The following UBE4A variants were observed in gnomAD, a reference collection of about 807,000 sequenced individuals.
UBE4A encodes the protein ubiquitin conjugation factor E4 A.
Under a neutral mutation model 117.9 loss-of-function variants are expected in UBE4A, and 48 were observed. That is an observed-to-expected ratio of 0.41 (90% CI 0.32 to 0.52). UBE4A has a LOEUF of 0.52. UBE4A is among the 20% of genes least tolerant of loss of function. The pLI is 0.33. For missense variants in UBE4A, 1,067 were observed against 1,296.3 expected (o/e 0.82, Z 2.72); for synonymous variants, 407 against 450.0 (o/e 0.90, Z 1.21).
At chr11:118,378,708 C>T (rs2134097537) in intron 10 of UBE4A, 1 of 152,318 alleles carries the variant, frequency 6.6e-6, no homozygotes, top group East Asian at 1.9e-4. Context: ...AAAAGTTCAG[C>T]ATGTGCTTAA....
chr11:118,379,762 C>G lies in UBE4A; in HGVS notation c.1876+12C>G. On this transcript the variant is annotated intron_variant, in intron 11 of 19. Transcript: ENST00000252108. ...GGCTTATGTGCCAGGTAAGCAGGCT[C>G]TCCCTTGGGAATGTCCTGTTTATAG... The G allele has an allele frequency of 6.2e-7, 1 of 1,603,856 alleles. No individual in the cohort carries two copies. Among genetic ancestry groups the G allele is most frequent in the Middle Eastern group, 1.7e-4 (1 of 5,874 alleles).
rs1404998686 is a variant in UBE4A at position 118,384,965 on chromosome 11, A to AG, written c.2412+20_2412+21insG. On this transcript the variant is annotated intron_variant, in intron 15 of 19. Coordinates refer to ENST00000252108, the MANE Select transcript of UBE4A (RefSeq NM_001204077.2). ...ATACAGGTAAAAAAAAAAAAAAAAA[A>AG]AAAGATTTAACTTCTCCATACCATC... The AG allele has an allele frequency of 2.0e-6, 3 of 1,518,958 alleles. No homozygotes were observed. The African/African-American group carries it at 4.2e-5, about 21-fold the overall frequency. The allele number at this position is 1,518,958 out of a possible 1,614,324, so 94.1% of individuals were successfully genotyped here. A position where few individuals can be genotyped will look rare whatever the true frequency, so the allele number is the denominator to read the frequency against.
At chr11:118,382,470 G>T in intron 12 of UBE4A, 119 bp from the exon 13 acceptor site, 1 of 786,062 alleles carries the variant, frequency 1.3e-6, no homozygotes. Context: ...TGCAGAAGTG[G>T]ATCCTTTTTT....
intron 1 of UBE4A, among the ~76,000 whole-genome samples, chr11:118,361,010 T>A (rs200717624): frequency 3.7e-5 from 4 of 107,668 alleles, no homozygotes; most frequent in Admixed American, 1.9e-4. Flanking sequence ...GTGTGTGTAT[T>A]TTTTTTTTTT....
Position 118,398,356 on chromosome 11 carries a change from T to A in UBE4A, c.*1916T>A, listed in dbSNP as rs1948894835. The A allele has an allele frequency of 6.6e-6, 1 of 152,644 alleles. No individual in the cohort carries two copies. Among genetic ancestry groups the A allele is most frequent in the African/African-American group, 2.4e-5 (1 of 41,432 alleles). 9.5% of individuals were successfully genotyped at this position (152,644 alleles called of 1,614,324 possible). A position where few individuals can be genotyped will look rare whatever the true frequency, so the allele number is the denominator to read the frequency against. The stretch of plus-strand genomic sequence containing the variant: ...TTCTGGCAAGCTTTTCTTCTTTTTT[T>A]AAACTCTTTTCCTGAAACTTTTTAT... On this transcript the variant is annotated 3_prime_UTR_variant, in exon 20 of 20. Coordinates refer to ENST00000252108, the MANE Select transcript of UBE4A (RefSeq NM_001204077.2).
chr11:118,372,805 G>A, intron 6 of UBE4A, 139 bp downstream of exon 6: 1 of 1,276,254 alleles, frequency 7.8e-7, no homozygotes, highest in Non-Finnish European at 1.1e-6. Flanking sequence ...TGATCTTTGA[G>A]GTTGAGTACC....
At chr11:118,373,906 A>G (rs1332224915) in intron 8 of UBE4A, among the ~76,000 whole-genome samples, 3 of 152,136 alleles carry the variant, frequency 2.0e-5, no homozygotes, top group Non-Finnish European at 4.4e-5. Context: ...CAGGAGTTCA[A>G]TTTGAAACCA....
intron 9 of UBE4A, 44 bp downstream of exon 9, chr11:118,375,273 TGTAAC>T (rs1555125207): frequency 6.7e-7 from 1 of 1,498,490 alleles, no homozygotes; most frequent in East Asian, 2.3e-5. Context: ...TGTGTGTGTG[TGTAAC>T]GTGTAAAGCA....
At chr11:118,377,879 C>T (rs1231911532) in intron 10 of UBE4A, among the ~76,000 whole-genome samples, 2 of 149,596 alleles carry the variant, frequency 1.3e-5, no homozygotes, top group Non-Finnish European at 3.0e-5. Flanking sequence ...CGCCACTGCA[C>T]TCCAGCCTGG....
intron 1 of UBE4A, among the ~76,000 whole-genome samples, chr11:118,363,458 C>T (rs1169677820): frequency 6.6e-6 from 1 of 152,084 alleles, no homozygotes; most frequent in East Asian, 1.9e-4. Flanking sequence ...CTGCCTAAGT[C>T]ATTACAGCTA....
chr11:118,394,881 C>T lies in UBE4A; in HGVS notation c.3075-1433C>T, dbSNP rs1005318384. On this transcript the variant is annotated intron_variant, in intron 19 of 19. Transcript: ENST00000252108. ...AGCTACTCAGGAGGCTGAGGCAGATCGCTTGAGCACAGGAATTCAAGGCTG... is the reference window on the plus strand; with the variant it reads ...AGCTACTCAGGAGGCTGAGGCAGATTGCTTGAGCACAGGAATTCAAGGCTG... Among the ~76,000 whole-genome samples, 6 of 151,530 alleles carry T rather than the reference C, an allele frequency of 4.0e-5. No homozygotes were observed. In the East Asian group the frequency reaches 7.8e-4, roughly 20 times the overall value.
At chr11:118,393,464 A>G (rs1031034387) in intron 19 of UBE4A, among the ~76,000 whole-genome samples, 71 of 151,920 alleles carry the variant, frequency 4.7e-4, no homozygotes, top group African/African-American at 1.7e-3. Flanking sequence ...ACGCCCAACT[A>G]ATTTTTGTAT....
intron 11 of UBE4A, 150 bp downstream of exon 11, chr11:118,379,900 T>A: frequency 1.0e-6 from 1 of 971,306 alleles, no homozygotes; most frequent in Non-Finnish European, 1.5e-6. Flanking sequence ...TATCTACTGG[T>A]CAAAGTATTA....
intron 1 of UBE4A, among the ~76,000 whole-genome samples, chr11:118,363,314 G>C (rs987151467): frequency 2.0e-5 from 3 of 152,138 alleles, no homozygotes; most frequent in African/African-American, 7.2e-5. Context: ...GGCCGCGGTG[G>C]GAGGATCACT....
intron 19 of UBE4A, among the ~76,000 whole-genome samples, chr11:118,394,766 T>A (rs1555129247): frequency 7.0e-6 from 1 of 143,758 alleles, no homozygotes; most frequent in African/African-American, 2.6e-5. Flanking sequence ...AGAGCGAGAC[T>A]CGTCTCAAAA....
intron 1 of UBE4A, among the ~76,000 whole-genome samples, chr11:118,362,178 G>A (rs1219496114): frequency 5.3e-5 from 8 of 152,166 alleles, no homozygotes; most frequent in African/African-American, 2.4e-5. Context: ...CTGGAGTGCA[G>A]TGGCAACGAT....
intron 1 of UBE4A, among the ~76,000 whole-genome samples, chr11:118,362,999 G>A (rs777376113): frequency 1.1e-4 from 16 of 152,186 alleles, no homozygotes; most frequent in Non-Finnish European, 2.2e-4. Flanking sequence ...ATGTTTTAGA[G>A]AGAGAAATAA....
Position 118,384,628 on chromosome 11 carries a change from A to T in UBE4A, c.2198-7A>T. On this transcript the variant is annotated splice_polypyrimidine_tract_variant and splice_region_variant and intron_variant, in intron 13 of 19. Coordinates refer to ENST00000252108, the MANE Select transcript of UBE4A (RefSeq NM_001204077.2). ...TTTGCTGATATTTCGCTCTTGCCTTACTCCAGGAGACCCCCATCAATTTGA... is the reference window on the plus strand; with the variant it reads ...TTTGCTGATATTTCGCTCTTGCCTTTCTCCAGGAGACCCCCATCAATTTGA... The T allele has an allele frequency of 6.2e-7, 1 of 1,613,122 alleles. No individual in the cohort carries two copies. The highest frequency in any genetic ancestry group is 8.5e-7 in the Non-Finnish European group (1 of 1,179,362).
chr11:118,375,400 C>T (rs1013027725), intron 9 of UBE4A, among the ~76,000 whole-genome samples, 171 bp downstream of exon 9: 3 of 151,980 alleles, frequency 2.0e-5, no homozygotes, highest in Admixed American at 6.6e-5. Flanking sequence ...TACTCTGTCA[C>T]TCAGGCTGTA....
Sources: allele counts gnomAD v4.1 joint callset (sites outside exome capture counted in the v4.1 genomes callset), GRCh38; gene constraint gnomAD v4.1.1; transcripts MANE v1.5; gene names NCBI Gene and HGNC (gene_info 2026-07-23, HGNC 2026-07-21).